The following TTLL11 variants were observed in gnomAD, a reference collection of about 807,000 sequenced individuals.
TTLL11 encodes the protein tubulin polyglutamylase TTLL11.
A neutral mutation model predicts 51.7 loss-of-function variants in TTLL11; 42 were observed. The ratio of observed to expected loss-of-function variants is 0.81; its 90% CI spans 0.64 to 1.05. The LOEUF is 1.05. TTLL11 is among the 50% of genes least tolerant of loss of function. TTLL11 has a pLI of 0.00. For missense variants in TTLL11, 799 were observed against 940.4 expected (o/e 0.85, Z 1.97); for synonymous variants, 381 against 383.5 (o/e 0.99, Z 0.08).
intron 1 of TTLL11, among the ~76,000 whole-genome samples, chr9:122,083,092 C>G (rs1455705707): frequency 6.6e-6 from 1 of 152,068 alleles, no homozygotes; most frequent in Non-Finnish European, 1.5e-5. Context: ...ATTTGTATCT[C>G]TACATATGAT....
chr9:121,980,477 C>T (rs1323682044), intron 4 of TTLL11, among the ~76,000 whole-genome samples: 2 of 152,248 alleles, frequency 1.3e-5, no homozygotes, highest in Non-Finnish European at 2.9e-5. Flanking sequence ...TAGCTCTCCA[C>T]TAACCTAGAT....
At chr9:121,986,803 A>G (rs1452051053) in intron 4 of TTLL11, among the ~76,000 whole-genome samples, 1 of 151,912 alleles carries the variant, frequency 6.6e-6, no homozygotes, top group Non-Finnish European at 1.5e-5. Context: ...CACTAGAGAC[A>G]CTGCCCCACT....
chr9:121,910,753 G>A (rs192078200), intron 6 of TTLL11, among the ~76,000 whole-genome samples: 1 of 152,252 alleles, frequency 6.6e-6, no homozygotes, highest in African/African-American at 2.4e-5. Flanking sequence ...AATGAACATT[G>A]TTAAGATAAC....
rs371412143 is a variant in TTLL11 at position 122,054,040 on chromosome 9, T to G, written c.463-14672A>C. ...AGCAATTCTTGTGATCTATGAAGTT[T>G]CCTTTTCCTGTTCACTTCTTCTTCA... On this transcript the variant is annotated intron_variant, in intron 1 of 8. Transcript: ENST00000321582. 4.6e-5 allele frequency among the ~76,000 whole-genome samples: 7 copies of G among 152,326 alleles called. No homozygotes were observed. The South Asian group carries it at 1.0e-3, about 23-fold the overall frequency.
chr9:122,003,801 T>A (rs1287803843), intron 3 of TTLL11, among the ~76,000 whole-genome samples: 1 of 151,046 alleles, frequency 6.6e-6, no homozygotes, highest in Non-Finnish European at 1.5e-5. Context: ...ATTCCTTCTT[T>A]ATGTTTTGCC....
intron 6 of TTLL11, among the ~76,000 whole-genome samples, chr9:121,959,398 G>C (rs11999418): frequency 0.077 from 11,748 of 152,112 alleles, 686 homozygotes; most frequent in African/African-American, 0.16. Flanking sequence ...AGATAATATC[G>C]CTGGAAGTCT....
intron 3 of TTLL11, among the ~76,000 whole-genome samples, chr9:122,023,447 T>A (rs1285307378): frequency 6.6e-6 from 1 of 151,954 alleles, no homozygotes; most frequent in Non-Finnish European, 1.5e-5. Context: ...TCATTCTGTG[T>A]GGCCAGCATT....
At chr9:121,941,632 T>C (rs560752164) in intron 6 of TTLL11, among the ~76,000 whole-genome samples, 4 of 152,340 alleles carry the variant, frequency 2.6e-5, no homozygotes, top group Admixed American at 2.6e-4. Flanking sequence ...CTAGGAATGA[T>C]GGTCTCTCTG....
intron 3 of TTLL11, among the ~76,000 whole-genome samples, chr9:122,022,888 C>A (rs1291221490): frequency 6.6e-6 from 1 of 151,802 alleles, no homozygotes; most frequent in Non-Finnish European, 1.5e-5. Flanking sequence ...AATGGAAGTA[C>A]TATGAGTGTT....
chr9:121,923,912 G>C (rs945092615), intron 6 of TTLL11, among the ~76,000 whole-genome samples: 1 of 152,108 alleles, frequency 6.6e-6, no homozygotes, highest in Non-Finnish European at 1.5e-5. Context: ...CATAATTCCC[G>C]TATGTTATGG....
chr9:121,889,794 G>A (rs976263996), intron 6 of TTLL11, among the ~76,000 whole-genome samples: 2 of 152,116 alleles, frequency 1.3e-5, no homozygotes, highest in Non-Finnish European at 2.9e-5. Context: ...CAGCTACTCT[G>A]GCGGCTGAGG....
At chr9:121,927,782 T>TG (rs770920634) in intron 6 of TTLL11, among the ~76,000 whole-genome samples, 71 of 152,310 alleles carry the variant, frequency 4.7e-4, no homozygotes, top group Admixed American at 2.4e-3. Flanking sequence ...GCTGGAGTGC[T>TG]GGGTTATTAA....
In TTLL11 at chr9:121,854,153, T is replaced by C. The variant is rs116181126; in HGVS notation, c.1840+6184A>G. Among the ~76,000 whole-genome samples, 1,142 of 152,254 alleles carry C rather than the reference T, an allele frequency of 7.5e-3. 13 individuals carry two copies. The highest frequency in any genetic ancestry group is 0.026 in the African/African-American group (1,094 of 41,562). Reference sequence around the variant, plus strand: ...TAGCTAGCAAGTGACCAAGCGCAGATTGAAAGCCCAGTTTGTCTGATTCTG... The same window carrying C: ...TAGCTAGCAAGTGACCAAGCGCAGACTGAAAGCCCAGTTTGTCTGATTCTG... On this transcript the variant is annotated intron_variant, in intron 8 of 8. Transcript: ENST00000321582.
chr9:121,904,867 C>T (rs1485449358), intron 6 of TTLL11, among the ~76,000 whole-genome samples: 1 of 152,212 alleles, frequency 6.6e-6, no homozygotes, highest in Non-Finnish European at 1.5e-5. Context: ...CCGTGAATAA[C>T]CTGAGCTCAT....
Position 121,822,352 on chromosome 9 carries a change from C to G in TTLL11, c.*235G>C, listed in dbSNP as rs546841143. The G allele has an allele frequency of 2.6e-6, 1 of 384,064 alleles. No homozygotes were observed. Among genetic ancestry groups the G allele is most frequent in the East Asian group, 4.2e-5 (1 of 23,924 alleles). 23.8% of individuals were successfully genotyped at this position (384,064 alleles called of 1,614,324 possible). A position where few individuals can be genotyped will look rare whatever the true frequency, so the allele number is the denominator to read the frequency against. ...TGTCACGTTTTAGATGTCATATGTCCGATGACTGATGACTCAGAAACAGGG... is the reference window on the plus strand; with the variant it reads ...TGTCACGTTTTAGATGTCATATGTCGGATGACTGATGACTCAGAAACAGGG... On this transcript the variant is annotated 3_prime_UTR_variant, in exon 9 of 9. Transcript: ENST00000321582. This position sits in a 1 kb window ranked among gnomAD's most constrained non-coding sequence, Gnocchi z 5.8.
At chr9:121,864,358 T>C (rs1428248099) in intron 7 of TTLL11, among the ~76,000 whole-genome samples, 1 of 152,142 alleles carries the variant, frequency 6.6e-6, no homozygotes, top group Non-Finnish European at 1.5e-5. Context: ...AAATGACTAA[T>C]GAGTGGAAGG....
At chr9:121,979,250 G>A (rs1430065636) in intron 4 of TTLL11, among the ~76,000 whole-genome samples, 1 of 152,084 alleles carries the variant, frequency 6.6e-6, no homozygotes, top group Non-Finnish European at 1.5e-5. Flanking sequence ...CATGGGAGTG[G>A]GCTTGGAGGA....
At chr9:121,968,911 C>T (rs1273815562) in intron 6 of TTLL11, among the ~76,000 whole-genome samples, 1 of 151,854 alleles carries the variant, frequency 6.6e-6, no homozygotes, top group Non-Finnish European at 1.5e-5. Context: ...ACTCTGTCAC[C>T]CAGGCTGGAG....
chr9:121,983,215 G>A (rs1842863795), intron 4 of TTLL11, among the ~76,000 whole-genome samples: 1 of 152,204 alleles, frequency 6.6e-6, no homozygotes, highest in African/African-American at 2.4e-5. Flanking sequence ...CTGTTGGTCT[G>A]AGTGACTGAC....
Sources: gnomAD v4.1 joint callset for allele counts (sites outside exome capture counted in the v4.1 genomes callset) on GRCh38, gnomAD v4.1.1 for gene constraint, Gnocchi (gnomAD v3.1) non-coding constraint, MANE v1.5 for transcripts, NCBI Gene and HGNC (gene_info 2026-07-23, HGNC 2026-07-21) for gene names.